WDR37: variants seen among roughly 807,000 people sequenced by gnomAD.
WDR37 encodes WD repeat-containing protein 37.
In WDR37, 19 loss-of-function variants were observed where a neutral mutation model predicts 62.9. The ratio of observed to expected loss-of-function variants is 0.30; its 90% CI spans 0.21 to 0.44. The LOEUF is 0.44. WDR37 is among the 20% of genes least tolerant of loss of function. WDR37 has a pLI of 1.00. For missense variants in WDR37, 474 were observed against 657.6 expected (o/e 0.72, Z 3.05); for synonymous variants, 250 against 260.9 (o/e 0.96, Z 0.40).
chr10:1,064,307 G>A (rs1833468801), intron 1 of WDR37, among the ~76,000 whole-genome samples: 2 of 152,122 alleles, frequency 1.3e-5, no homozygotes, highest in South Asian at 4.1e-4. Flanking sequence ...AGGGGCCCGT[G>A]GGACTTTAAC....
At chr10:1,071,548 G>T (rs1833727575) in intron 1 of WDR37, among the ~76,000 whole-genome samples, 2 of 152,292 alleles carry the variant, frequency 1.3e-5, no homozygotes, top group Non-Finnish European at 2.9e-5. Context: ...CATGTGGTTA[G>T]TTTGAATTGA....
At chr10:1,127,270 A>C (rs1390359091) in intron 13 of WDR37, among the ~76,000 whole-genome samples, 1 of 152,188 alleles carries the variant, frequency 6.6e-6, no homozygotes, top group Non-Finnish European at 1.5e-5. Flanking sequence ...ATTTTCAGTT[A>C]TCTGTGAACA....
chr10:1,059,654 C>T (rs753535803), intron 1 of WDR37, among the ~76,000 whole-genome samples: 8 of 151,426 alleles, frequency 5.3e-5, no homozygotes, highest in Non-Finnish European at 1.2e-4. Flanking sequence ...AAAAATTAGC[C>T]AGGCGTGGTG....
At chr10:1,116,210 C>T (rs563022751) in intron 11 of WDR37, among the ~76,000 whole-genome samples, 1 of 151,782 alleles carries the variant, frequency 6.6e-6, no homozygotes, top group Non-Finnish European at 1.5e-5. Flanking sequence ...TTGTCTCTGC[C>T]CTGTCCATCA....
Position 1,129,756 on chromosome 10 carries a change from T to G in WDR37, c.*412T>G, listed in dbSNP as rs565973105. On this transcript the variant is annotated 3_prime_UTR_variant, in exon 14 of 14. Coordinates refer to ENST00000263150, the MANE Select transcript of WDR37 (RefSeq NM_014023.4). The stretch of plus-strand genomic sequence containing the variant: ...GTATCTGCCTTTGCTGGGAAGACTG[T>G]GGGGCTGCCTGTGTTGGCTGGCGAC... The G allele has an allele frequency of 2.3e-4, 36 of 157,800 alleles. No homozygotes were observed. Among genetic ancestry groups the G allele is most frequent in the Non-Finnish European group, 4.2e-4 (30 of 71,224 alleles). 9.8% of individuals were successfully genotyped at this position (157,800 alleles called of 1,614,324 possible).
At chr10:1,091,613 C>T (rs973142659) in intron 7 of WDR37, among the ~76,000 whole-genome samples, 2 of 152,138 alleles carry the variant, frequency 1.3e-5, no homozygotes, top group Admixed American at 1.3e-4. Context: ...GTTGGTGTCC[C>T]CAGAGTGACA....
rs1351085134 is a variant in WDR37, at chr10:1,069,370, A to AATATATATATAT, written c.-40-2737_-40-2726dup. Among the ~76,000 whole-genome samples, 704 of 81,262 alleles carry AATATATATATAT rather than the reference A, an allele frequency of 8.7e-3. 23 individuals carry two copies. Among genetic ancestry groups the AATATATATATAT allele is most frequent in the South Asian group, 0.016 (33 of 2,068 alleles). The allele number at this position is 81,262 out of a possible 152,430, so 53.3% of individuals were successfully genotyped here. On this transcript the variant is annotated intron_variant, in intron 1 of 13. Transcript: ENST00000263150. ...TAGTAATAGTAAAAAAATTGGAAAGAATATATATATATATATATATTTTTT... is the reference window on the plus strand; with the variant it reads ...TAGTAATAGTAAAAAAATTGGAAAGAATATATATATATATATATATATATATATATATTTTTT...
rs572994916 is a variant in WDR37 at position 1,131,474 on chromosome 10, C to G, written c.*2130C>G. 1 of 152,422 alleles carries G rather than the reference C, an allele frequency of 6.6e-6. No individual in the cohort carries two copies. The highest frequency in any genetic ancestry group is 6.5e-5 in the Admixed American group (1 of 15,306). The allele number at this position is 152,422 out of a possible 1,614,324, so 9.4% of individuals were successfully genotyped here. ...GTTCCAGGCACACTGGTGCCCTTTA[C>G]TGCCACAGCTGCTCACCTTGTCTGG... On this transcript the variant is annotated 3_prime_UTR_variant, in exon 14 of 14. Coordinates refer to ENST00000263150, the MANE Select transcript of WDR37 (RefSeq NM_014023.4).
At chr10:1,112,764 G>A (rs1296086656) in intron 11 of WDR37, among the ~76,000 whole-genome samples, 1 of 152,228 alleles carries the variant, frequency 6.6e-6, no homozygotes, top group Non-Finnish European at 1.5e-5. Context: ...TCCAGAGCAG[G>A]GCCCTGACTC....
chr10:1,062,309 G>A (rs531669475), intron 1 of WDR37, among the ~76,000 whole-genome samples: 3 of 152,264 alleles, frequency 2.0e-5, no homozygotes, highest in African/African-American at 7.2e-5. Context: ...TGCAACTTAC[G>A]GAGAGGCTGG....
At chr10:1,071,437 T>C (rs1482966696) in intron 1 of WDR37, among the ~76,000 whole-genome samples, 1 of 152,180 alleles carries the variant, frequency 6.6e-6, no homozygotes, top group Non-Finnish European at 1.5e-5. Context: ...AACGTAGTGA[T>C]ATAATTGGGA....
chr10:1,071,868 A>G (rs1030803122), intron 1 of WDR37, among the ~76,000 whole-genome samples: 2 of 152,004 alleles, frequency 1.3e-5, no homozygotes, highest in African/African-American at 2.4e-5. Flanking sequence ...TTTTTTTTTA[A>G]ATTTTAAACC....
intron 1 of WDR37, among the ~76,000 whole-genome samples, chr10:1,069,389 A>ATATTTTTTTTTTTTTTTTTT: frequency 7.3e-5 from 7 of 95,782 alleles, no homozygotes; most frequent in Non-Finnish European, 9.5e-5. Context: ...ATATATATAT[A>ATATTTTTTTTTTTTTTTTTT]TTTTTTTTTT....
chr10:1,085,323 A>G (rs921500858), intron 6 of WDR37, among the ~76,000 whole-genome samples: 1 of 148,148 alleles, frequency 6.8e-6, no homozygotes, highest in Non-Finnish European at 1.5e-5. Context: ...GATGTATTTG[A>G]CTTTTTTCCC....
At chr10:1,097,532 C>T (rs991364055) in intron 9 of WDR37, among the ~76,000 whole-genome samples, 1 of 152,244 alleles carries the variant, frequency 6.6e-6, no homozygotes, top group Non-Finnish European at 1.5e-5. Context: ...GCAGCTCTCA[C>T]TGCAGTCCCA....
At chr10:1,127,701 A>G (rs4880769) in intron 13 of WDR37, among the ~76,000 whole-genome samples, 101,167 of 151,994 alleles carry the variant, frequency 0.67, 34,108 homozygotes, top group African/African-American at 0.78. Flanking sequence ...GTCCCTGCGC[A>G]AGGGTCTCTG....
chr10:1,122,302 C>T (rs760807795), intron 11 of WDR37, among the ~76,000 whole-genome samples: 18 of 152,172 alleles, frequency 1.2e-4, no homozygotes, highest in Admixed American at 3.3e-4. Context: ...CTTATCATCT[C>T]GTAGGTATCT....
In WDR37 at chr10:1,103,497, T is replaced by A. The variant is rs1378626230; in HGVS notation, c.727-105T>A. Reference sequence around the variant, plus strand: ...CTAGTGGTGACCATCATGATGGATATGTCCTCAAGAGATTAATGAGAACCA... The same window carrying A: ...CTAGTGGTGACCATCATGATGGATAAGTCCTCAAGAGATTAATGAGAACCA... On this transcript the variant is annotated intron_variant, in intron 9 of 13. Coordinates refer to ENST00000263150, the MANE Select transcript of WDR37 (RefSeq NM_014023.4). This position sits in a 1 kb window ranked among gnomAD's most constrained non-coding sequence, Gnocchi z 6.3. The A allele has an allele frequency of 7.4e-6, 9 of 1,210,870 alleles. No individual in the cohort carries two copies. In the African/African-American group the frequency reaches 1.3e-4, roughly 18 times the overall value. The allele number at this position is 1,210,870 out of a possible 1,614,324, so 75.0% of individuals were successfully genotyped here.
rs150205330 is a variant in WDR37 at position 1,084,426 on chromosome 10, G to A, written c.420G>A (p.Thr140=). The A allele has an allele frequency of 3.6e-5, 58 of 1,613,926 alleles. No individual in the cohort carries two copies. In the African/African-American group the frequency reaches 4.4e-4, roughly 12 times the overall value. Residue 140 remains threonine (T), a synonymous_variant, in exon 6 of 14, where the codon ACG becomes ACA. Coordinates refer to ENST00000263150, the MANE Select transcript of WDR37 (RefSeq NM_014023.4). The part of the protein sequence containing the change: ...TSKIVSSFKT[T]TSRAACQLVK... Reference sequence around the variant, plus strand: ...AGATTGTCTCCAGCTTTAAGACCACGACATCGAGAGCTGCCTGCCAGCTCG... The same window carrying A: ...AGATTGTCTCCAGCTTTAAGACCACAACATCGAGAGCTGCCTGCCAGCTCG...
Sources: gnomAD v4.1 joint callset for allele counts (sites outside exome capture counted in the v4.1 genomes callset) on GRCh38, gnomAD v4.1.1 for gene constraint, Gnocchi (gnomAD v3.1) non-coding constraint, MANE v1.5 for transcripts, NCBI Gene and HGNC (gene_info 2026-07-23, HGNC 2026-07-21) for gene names.